The following LGR5 variants were observed in gnomAD, a reference collection of about 807,000 sequenced individuals.
LGR5 encodes leucine-rich repeat-containing G protein-coupled receptor 5.
In LGR5, 54 loss-of-function variants were observed where a neutral mutation model predicts 76.7. The observed-to-expected ratio is 0.70, with a 90% confidence interval of 0.57 to 0.88. The LOEUF (loss-of-function observed/expected upper bound fraction) is 0.88. Ranked by LOEUF, LGR5 falls within the 40% of genes least tolerant of loss-of-function variation. The pLI is 0.00. For synonymous variants in LGR5, 406 were observed against 421.9 expected (o/e 0.96, Z 0.46); for missense variants, 1,078 against 1,073.3 (o/e 1.00, Z -0.06).
chr12:71,481,734 G>T (rs1873613748), intron 1 of LGR5, among the ~76,000 whole-genome samples: 1 of 152,172 alleles, frequency 6.6e-6, no homozygotes, highest in Non-Finnish European at 1.5e-5. Context: ...ATTGCACAAG[G>T]TAGGGACAAC....
chr12:71,582,402 G>T (rs1200756489), intron 16 of LGR5, 54 bp from the exon 17 acceptor site: 34 of 1,425,526 alleles, frequency 2.4e-5, no homozygotes, highest in Non-Finnish European at 3.3e-5. Flanking sequence ...TCTGGGATTT[G>T]GTCCCTTGAA....
intron 2 of LGR5, among the ~76,000 whole-genome samples, chr12:71,509,283 A>G (rs1016227001): frequency 6.6e-6 from 1 of 152,172 alleles, no homozygotes; most frequent in African/African-American, 2.4e-5. Flanking sequence ...TTGGTAAACT[A>G]TATTCTGTAT....
At chr12:71,573,702 T>C (rs892641344) in intron 13 of LGR5, among the ~76,000 whole-genome samples, 4 of 152,168 alleles carry the variant, frequency 2.6e-5, no homozygotes, top group Admixed American at 1.3e-4. Context: ...GTATTTTTTT[T>C]GTACTTAAGA....
At chr12:71,444,974 G>A (rs970902456) in intron 1 of LGR5, among the ~76,000 whole-genome samples, 6 of 151,894 alleles carry the variant, frequency 4.0e-5, no homozygotes, top group African/African-American at 1.5e-4. Context: ...TCAAATTCAT[G>A]GATTTAAGTC....
intron 1 of LGR5, among the ~76,000 whole-genome samples, chr12:71,486,810 C>T (rs774445546): frequency 6.7e-5 from 10 of 150,320 alleles, no homozygotes; most frequent in African/African-American, 2.2e-4. Context: ...TTTTTCAATT[C>T]GGAGACTTCT....
chr12:71,459,759 C>A lies in LGR5; in HGVS notation c.212+19467C>A, dbSNP rs917228614. Among the ~76,000 whole-genome samples, 3 of 151,804 alleles carry A rather than the reference C, an allele frequency of 2.0e-5. No individual in the cohort carries two copies. In the East Asian group the frequency reaches 5.8e-4, roughly 29 times the overall value. ...ACTTGGTATTGGAATCCTGGTACTGCCCCTTATTTGCTTGGACAAATTATT... is the reference window on the plus strand; with the variant it reads ...ACTTGGTATTGGAATCCTGGTACTGACCCTTATTTGCTTGGACAAATTATT... On this transcript the variant is annotated intron_variant, in intron 1 of 17. Transcript: ENST00000266674.
chr12:71,494,019 C>T (rs952385003), intron 1 of LGR5, among the ~76,000 whole-genome samples: 1 of 148,402 alleles, frequency 6.7e-6, no homozygotes, highest in African/African-American at 2.6e-5. Context: ...TCTCGGCTCA[C>T]TGCAAGCTCT....
In LGR5 at chr12:71,516,213, CA is replaced by C. The variant is rs1875427916; in HGVS notation, c.285-8192del. On this transcript the variant is annotated intron_variant, in intron 2 of 17. Coordinates refer to ENST00000266674, the MANE Select transcript of LGR5 (RefSeq NM_003667.4). ...AAAGACCTTCATGAAAGAACCGTTTCATTTTTTTTAATTTAAGGGAAATAAG... is the reference window on the plus strand; with the variant it reads ...AAAGACCTTCATGAAAGAACCGTTTCTTTTTTTTAATTTAAGGGAAATAAG... Among the ~76,000 whole-genome samples, 3 of 151,396 alleles carry C rather than the reference CA, an allele frequency of 2.0e-5. No individual in the cohort carries two copies. The South Asian group carries it at 6.3e-4, about 32-fold the overall frequency.
chr12:71,473,496 G>A (rs1160958764), intron 1 of LGR5, among the ~76,000 whole-genome samples: 2 of 151,924 alleles, frequency 1.3e-5, no homozygotes, highest in African/African-American at 4.8e-5. Flanking sequence ...TTTTAAGTCG[G>A]GGCATAATGG....
intron 7 of LGR5, 26 bp downstream of exon 7, chr12:71,559,680 G>A (rs752406369): frequency 1.7e-6 from 2 of 1,175,414 alleles, no homozygotes; most frequent in Admixed American, 1.8e-5. Flanking sequence ...AATTTTAATG[G>A]GAGAACTTTA....
chr12:71,543,923 G>C (rs1313677334), intron 4 of LGR5, among the ~76,000 whole-genome samples: 2 of 152,138 alleles, frequency 1.3e-5, no homozygotes, highest in Non-Finnish European at 1.5e-5. Context: ...TAGTGCCCCT[G>C]ATAGAAAAAG....
chr12:71,514,591 A>T (rs1875346240), intron 2 of LGR5, among the ~76,000 whole-genome samples: 1 of 152,016 alleles, frequency 6.6e-6, no homozygotes, highest in Non-Finnish European at 1.5e-5. Flanking sequence ...GAAAGAAAAA[A>T]AGAAACCACA....
In LGR5 at chr12:71,553,109, A is replaced by C. The variant is rs143772937; in HGVS notation, c.465A>C (p.Pro155=). Residue 155 remains proline, a synonymous_variant, in exon 5 of 18, where the codon CCA becomes CCC. Transcript: ENST00000266674. ...LDANHISYVP[P]SCFSGLHSLR... ...CTAACCACATCAGCTATGTGCCCCC[A>C]AGCTGTTTCAGTGGCCTGCATTCCC... 1.3e-3 allele frequency: 2,040 copies of C among 1,613,806 alleles called. 2 individuals carry two copies. Among genetic ancestry groups the C allele is most frequent in the Non-Finnish European group, 1.6e-3 (1,907 of 1,179,952 alleles).
chr12:71,584,867 G>A lies in LGR5; in HGVS notation c.*133G>A. On this transcript the variant is annotated 3_prime_UTR_variant, in exon 18 of 18. Transcript: ENST00000266674. Reference sequence around the variant, plus strand: ...AAACCAAAAAAGAATCTCTCAGTTAGTAAGAAAAGGCTGAAAACCTCTTGA... The same window carrying A: ...AAACCAAAAAAGAATCTCTCAGTTAATAAGAAAAGGCTGAAAACCTCTTGA... 12 of 872,054 alleles carry A rather than the reference G, an allele frequency of 1.4e-5. No homozygotes were observed. The South Asian group carries it at 1.9e-4, about 14-fold the overall frequency. The allele number at this position is 872,054 out of a possible 1,614,324, so 54.0% of individuals were successfully genotyped here. A position where few individuals can be genotyped will look rare whatever the true frequency, so the allele number is the denominator to read the frequency against.
intron 2 of LGR5, among the ~76,000 whole-genome samples, chr12:71,518,174 C>T (rs942504334): frequency 2.6e-5 from 4 of 151,698 alleles, no homozygotes; most frequent in Admixed American, 6.6e-5. Flanking sequence ...AAGAAAAAAA[C>T]AAAAAATTAA....
chr12:71,520,172 G>T (rs1875656152), intron 2 of LGR5, among the ~76,000 whole-genome samples: 1 of 152,052 alleles, frequency 6.6e-6, no homozygotes. Context: ...CAGATGAAGG[G>T]ATAAACAAAA....
At chr12:71,582,617 C>T in intron 17 of LGR5, 78 bp downstream of exon 17, 2 of 1,102,228 alleles carry the variant, frequency 1.8e-6, no homozygotes, top group South Asian at 1.3e-5. Flanking sequence ...TACAGCTATA[C>T]TTTAAAAGCC....
intron 3 of LGR5, among the ~76,000 whole-genome samples, chr12:71,531,202 C>G (rs1592518441): frequency 1.3e-5 from 2 of 152,178 alleles, no homozygotes; most frequent in African/African-American, 2.4e-5. Flanking sequence ...AGTGCCTACA[C>G]CTATATTCAG....
At chr12:71,514,078 G>A (rs1344874593) in intron 2 of LGR5, among the ~76,000 whole-genome samples, 3 of 151,732 alleles carry the variant, frequency 2.0e-5, no homozygotes, top group Non-Finnish European at 4.4e-5. Flanking sequence ...TTAAGCCCAG[G>A]ATCTTAAAAA....
Sources: gnomAD v4.1 joint callset for allele counts (sites outside exome capture counted in the v4.1 genomes callset) on GRCh38, gnomAD v4.1.1 for gene constraint, MANE v1.5 for transcripts, NCBI Gene and HGNC (gene_info 2026-07-23, HGNC 2026-07-21) for gene names.